The following ACSL5 variants were observed in gnomAD, a reference collection of about 807,000 sequenced individuals.
ACSL5 encodes acyl-CoA synthetase long chain family member 5.
A neutral mutation model predicts 84.9 loss-of-function variants in ACSL5; 50 were observed. The ratio of observed to expected loss-of-function variants is 0.59; its 90% CI spans 0.47 to 0.75. ACSL5 has a LOEUF of 0.75. Ranked by LOEUF, ACSL5 falls within the 30% of genes least tolerant of loss-of-function variation. The pLI is 0.00. For synonymous variants in ACSL5, 280 were observed against 300.7 expected (o/e 0.93, Z 0.71); for missense variants, 775 against 830.4 (o/e 0.93, Z 0.82).
intron 17 of ACSL5, chr10:112,424,933 G>T (rs760429689): frequency 2.6e-5 from 4 of 153,762 alleles, no homozygotes; most frequent in Non-Finnish European, 5.8e-5. Flanking sequence ...GGAGTCAAGT[G>T]GTGGGAGAAC....
At chr10:112,425,538 A>G (rs1345279195) in intron 18 of ACSL5, 57 bp downstream of exon 18, 2 of 1,404,058 alleles carry the variant, frequency 1.4e-6, no homozygotes, top group African/African-American at 1.5e-5. Flanking sequence ...TGGTTCTTGT[A>G]GCTACAGGAA....
At chr10:112,397,315 G>A (rs772941603) in intron 2 of ACSL5, among the ~76,000 whole-genome samples, 14 of 151,910 alleles carry the variant, frequency 9.2e-5, no homozygotes, top group Non-Finnish European at 1.9e-4. Context: ...GATTACAGGT[G>A]CCTGCCACCA....
Position 112,410,327 on chromosome 10 carries a change from G to A in ACSL5, c.712-136G>A, listed in dbSNP as rs761607838. ...CCATTGTTCCTGAATGTTGGCTTCT[G>A]GTCCTGATCCAGGTTGGAATTTTGC... On this transcript the variant is annotated intron_variant, in intron 7 of 20. Transcript: ENST00000354655. 436 of 1,552,218 alleles carry A rather than the reference G, an allele frequency of 2.8e-4. 1 individual carries two copies. Among genetic ancestry groups the A allele is most frequent in the Non-Finnish European group, 3.4e-4 (385 of 1,147,286 alleles).
Position 112,404,576 on chromosome 10 carries a change from G to A in ACSL5, c.330+1G>A. ...CTACAGATGGCTATCTTACAAACAGGTAAGTTGAGTCCATGTTTTTAGACA... is the reference window on the plus strand; with the variant it reads ...CTACAGATGGCTATCTTACAAACAGATAAGTTGAGTCCATGTTTTTAGACA... On this transcript the variant is annotated splice_donor_variant, in intron 4 of 20. Coordinates refer to ENST00000354655, the MANE Select transcript of ACSL5 (RefSeq NM_203379.2). LOFTEE classifies it high-confidence loss of function. 6.2e-7 allele frequency: 1 copy of A among 1,612,500 alleles called. No individual in the cohort carries two copies. Among genetic ancestry groups the A allele is most frequent in the Non-Finnish European group, 8.5e-7 (1 of 1,178,592 alleles).
rs1490852942 is a variant in ACSL5, at chr10:112,421,864, T to A, written c.1388-83T>A. 4 of 1,454,438 alleles carry A rather than the reference T, an allele frequency of 2.8e-6. No individual in the cohort carries two copies. In the East Asian group the frequency reaches 9.1e-5, roughly 33 times the overall value. The allele number at this position is 1,454,438 out of a possible 1,614,324, so 90.1% of individuals were successfully genotyped here. On this transcript the variant is annotated intron_variant, in intron 15 of 20. Transcript: ENST00000354655. Reference sequence around the variant, plus strand: ...ATTTTTCAGTCTTCCTCTTCTAGAGTCAATTCATAAATATCTTAGAAATGT... The same window carrying A: ...ATTTTTCAGTCTTCCTCTTCTAGAGACAATTCATAAATATCTTAGAAATGT...
In ACSL5 at chr10:112,398,059, T is replaced by G. The variant is rs1843787836; in HGVS notation, c.157-842T>G. On this transcript the variant is annotated intron_variant, in intron 2 of 20. Coordinates refer to ENST00000354655, the MANE Select transcript of ACSL5 (RefSeq NM_203379.2). ...CACTTTTCTTTTTTTTTTTTTTTTT[T>G]TTTTTTTTTTTTTTTTTTTTTTTTG... 3.1e-4 allele frequency among the ~76,000 whole-genome samples: 2 copies of G among 6,366 alleles called. 1 individual carries two copies. The highest frequency in any genetic ancestry group is 6.3e-4 in the Non-Finnish European group (2 of 3,168). The allele number at this position is 6,366 out of a possible 152,430, so 4.2% of individuals were successfully genotyped here.
intron 12 of ACSL5, among the ~76,000 whole-genome samples, chr10:112,416,197 C>CT (rs1564741742): frequency 6.6e-6 from 1 of 152,076 alleles, no homozygotes; most frequent in Non-Finnish European, 1.5e-5. Flanking sequence ...CTGGGCCGGG[C>CT]GTGGTGGCTC....
intron 5 of ACSL5, among the ~76,000 whole-genome samples, chr10:112,405,441 G>A (rs1033997463): frequency 1.3e-5 from 2 of 152,218 alleles, no homozygotes; most frequent in Non-Finnish European, 2.9e-5. Flanking sequence ...GAAGCCATTA[G>A]TAGTTAAGTT....
chr10:112,420,304 C>A (rs1844427403), intron 14 of ACSL5, among the ~76,000 whole-genome samples: 1 of 152,148 alleles, frequency 6.6e-6, no homozygotes, highest in Admixed American at 6.5e-5. Context: ...TCTCTCCAGT[C>A]AAGATTATCT....
intron 18 of ACSL5, 74 bp downstream of exon 18, chr10:112,425,555 A>T: frequency 8.2e-7 from 1 of 1,215,608 alleles, no homozygotes; most frequent in Non-Finnish European, 1.1e-6. Flanking sequence ...GGAAATTTGT[A>T]TAGTTGGGTT....
intron 1 of ACSL5, among the ~76,000 whole-genome samples, chr10:112,380,630 T>C (rs1458167157): frequency 6.6e-6 from 1 of 152,206 alleles, no homozygotes; most frequent in African/African-American, 2.4e-5. Context: ...ATGAGATGAT[T>C]GGTCTCTCCG....
In ACSL5 at chr10:112,408,709, T is replaced by C. The variant is rs1480573204; in HGVS notation, c.532+188T>C. ...TTTCAGGAAAGCTACAAAAAGCCCA[T>C]GAAGCAGAGATACACACAGAAAGAA... is the stretch of plus-strand genomic sequence containing the variant. On this transcript the variant is annotated intron_variant, in intron 6 of 20. Coordinates refer to ENST00000354655, the MANE Select transcript of ACSL5 (RefSeq NM_203379.2). 3 of 548,414 alleles carry C rather than the reference T, an allele frequency of 5.5e-6. No homozygotes were observed. In the East Asian group the frequency reaches 9.3e-5, roughly 17 times the overall value. 34.0% of individuals were successfully genotyped at this position (548,414 alleles called of 1,614,324 possible).
At chr10:112,411,395 G>A in intron 9 of ACSL5, 61 bp from the exon 10 acceptor site, 1 of 1,423,538 alleles carries the variant, frequency 7.0e-7, no homozygotes, top group South Asian at 1.2e-5. Context: ...TTTCTTTCAA[G>A]GCCAAAGGCT....
intron 1 of ACSL5, among the ~76,000 whole-genome samples, chr10:112,381,713 A>C (rs555095966): frequency 7.9e-5 from 12 of 151,558 alleles, no homozygotes; most frequent in African/African-American, 2.7e-4. Context: ...TCACACCTGT[A>C]ATCCCAGCAC....
intron 16 of ACSL5, 61 bp from the exon 17 acceptor site, chr10:112,422,264 C>A: frequency 1.4e-6 from 2 of 1,425,740 alleles, no homozygotes; most frequent in Non-Finnish European, 2.0e-6. Flanking sequence ...GTTTCATAAA[C>A]TGCCCACGCT....
At chr10:112,379,145 C>A (rs1424198105) in intron 1 of ACSL5, among the ~76,000 whole-genome samples, 1 of 152,116 alleles carries the variant, frequency 6.6e-6, no homozygotes, top group Non-Finnish European at 1.5e-5. Flanking sequence ...TGGCTCATGC[C>A]AGTAATCCCA....
intron 1 of ACSL5, among the ~76,000 whole-genome samples, chr10:112,386,788 G>T (rs559112588): frequency 6.6e-6 from 1 of 151,968 alleles, no homozygotes; most frequent in African/African-American, 2.4e-5. Context: ...TAGGTTTTAC[G>T]CATTTATTCT....
At chr10:112,381,516 T>A (rs781136367) in intron 1 of ACSL5, among the ~76,000 whole-genome samples, 20 of 151,044 alleles carry the variant, frequency 1.3e-4, no homozygotes, top group Non-Finnish European at 2.4e-4. Flanking sequence ...AATACAAAAA[T>A]TAGCCGGATG....
At chr10:112,398,854 A>C (rs1177280306) in intron 2 of ACSL5, 47 bp from the exon 3 acceptor site, 9 of 1,501,844 alleles carry the variant, frequency 6.0e-6, no homozygotes, top group Non-Finnish European at 7.4e-6. Flanking sequence ...TTTTGGAAAG[A>C]GTGAGGGGAG....
Sources: allele counts gnomAD v4.1 joint callset (sites outside exome capture counted in the v4.1 genomes callset), GRCh38; gene constraint gnomAD v4.1.1; transcripts MANE v1.5; gene names NCBI Gene and HGNC (gene_info 2026-07-23, HGNC 2026-07-21).